Variants in SRSF5 observed in about 807,000 individuals in gnomAD.
The protein encoded by SRSF5 is serine and arginine rich splicing factor 5.
In SRSF5, 5 loss-of-function variants were observed where a neutral mutation model predicts 34.0. That is an observed-to-expected ratio of 0.15 (90% CI 0.08 to 0.31). The LOEUF is 0.31. Among genes scored for constraint, SRSF5 ranks in the 10% least tolerant of loss-of-function variants. The probability of loss-of-function intolerance (pLI) is 1.00; values close to 1 mark genes in which losing one functional copy is unlikely to be tolerated. For synonymous variants in SRSF5, 164 were observed against 117.7 expected (o/e 1.39, Z -2.55); for missense variants, 223 against 351.4 (o/e 0.63, Z 2.92).
At position 69,768,345 on chromosome 14, in the gene SRSF5, T is replaced by C. The variant is rs1882789874; in HGVS notation, c.126+63T>C. On this transcript the variant is annotated intron_variant, in intron 2 of 7. Transcript: ENST00000557154. ...GGTAGAGTTTTGATAAGCAGTTGTT[T>C]TCGATCTTGAGTCCGGGTGGAATAT... is the stretch of plus-strand genomic sequence containing the variant. 1.4e-5 allele frequency: 23 copies of C among 1,597,604 alleles called. No individual in the cohort carries two copies. The South Asian group carries it at 2.2e-4, about 15-fold the overall frequency.
At chr14:69,769,309 G>T in intron 5 of SRSF5, 58 bp downstream of exon 5, 1 of 1,602,682 alleles carries the variant, frequency 6.2e-7, no homozygotes, top group Non-Finnish European at 8.5e-7. Context: ...AAGTTAATGG[G>T]TAGCTAATGT....
In SRSF5 at chr14:69,770,247, A is replaced by G. The variant is rs549651737; in HGVS notation, c.367-220A>G. ...ATACTACCTTAATGTTAAAATCTGAATTTCTTTTAGCATTTTGCTTAAAAG... is the reference window on the plus strand; with the variant it reads ...ATACTACCTTAATGTTAAAATCTGAGTTTCTTTTAGCATTTTGCTTAAAAG... On this transcript the variant is annotated intron_variant, in intron 5 of 7. Coordinates refer to ENST00000557154, the MANE Select transcript of SRSF5 (RefSeq NM_001320214.2). 1.2e-5 allele frequency: 16 copies of G among 1,336,650 alleles called. No homozygotes were observed. In the East Asian group the frequency reaches 2.4e-4, roughly 20 times the overall value. The allele number at this position is 1,336,650 out of a possible 1,614,324, so 82.8% of individuals were successfully genotyped here.
At chr14:69,768,700 C>T (rs910120010) in intron 3 of SRSF5, 26 bp downstream of exon 3, 9 of 1,613,018 alleles carry the variant, frequency 5.6e-6, no homozygotes, top group African/African-American at 2.7e-5. Context: ...AACTAGATAA[C>T]CCTGGGACAT....
chr14:69,768,539 G>C lies in SRSF5; in HGVS notation c.127-65G>C, dbSNP rs1311305475. 1.4e-5 allele frequency: 20 copies of C among 1,470,986 alleles called. No homozygotes were observed. In the South Asian group the frequency reaches 2.1e-4, roughly 15 times the overall value. The allele number at this position is 1,470,986 out of a possible 1,614,324, so 91.1% of individuals were successfully genotyped here. ...TCCCATTCTGTCTCCTGATTTCAGT[G>C]CTCTTAATGTGTTGTAGAATACTCT... On this transcript the variant is annotated intron_variant, in intron 2 of 7. Transcript: ENST00000557154.
At position 69,771,663 on chromosome 14, in the gene SRSF5, T is replaced by C; in HGVS notation, c.*202T>C. On this transcript the variant is annotated 3_prime_UTR_variant, in exon 8 of 8. Coordinates refer to ENST00000557154, the MANE Select transcript of SRSF5 (RefSeq NM_001320214.2). ...AAAACTAATTGTATTAAATGTCTTT[T>C]GATAAGCCTTCTGCTCACATTTTTG... The C allele has an allele frequency of 3.3e-6, 2 of 607,118 alleles. No individual in the cohort carries two copies. The highest frequency in any genetic ancestry group is 3.4e-5 in the Admixed American group (1 of 29,764). The allele number at this position is 607,118 out of a possible 1,614,324, so 37.6% of individuals were successfully genotyped here.
At chr14:69,768,361 G>C in intron 2 of SRSF5, 79 bp downstream of exon 2, 1 of 1,576,882 alleles carries the variant, frequency 6.3e-7, no homozygotes. Flanking sequence ...CTTGAGTCCG[G>C]GTGGAATATT....
rs1882548900 is a variant in SRSF5 at position 69,767,185 on chromosome 14, T to G, written c.-90T>G. On this transcript the variant is annotated 5_prime_UTR_variant, in exon 1 of 8. Transcript: ENST00000557154. ...TAGACGAGTTAAGTCCTGGTCTGCG[T>G]GGAGGTCGACGACTCCGTCGCAGAC... is the stretch of plus-strand genomic sequence containing the variant. 1 of 355,490 alleles carries G rather than the reference T, an allele frequency of 2.8e-6. No homozygotes were observed. Among genetic ancestry groups the G allele is most frequent in the Non-Finnish European group, 5.5e-6 (1 of 180,944 alleles). 22.0% of individuals were successfully genotyped at this position (355,490 alleles called of 1,614,324 possible). A position where few individuals can be genotyped will look rare whatever the true frequency, so the allele number is the denominator to read the frequency against.
intron 2 of SRSF5, 103 bp downstream of exon 2, chr14:69,768,385 T>C: frequency 2.6e-6 from 4 of 1,513,654 alleles, no homozygotes; most frequent in African/African-American, 1.4e-5. Context: ...CTTCAGAAAA[T>C]GTTACCCAGC....
chr14:69,770,163 CTT>C, intron 5 of SRSF5: 1 of 1,084,328 alleles, frequency 9.2e-7, no homozygotes, highest in Non-Finnish European at 1.1e-6. Context: ...GTACTGTTTC[CTT>C]TTTTGTTGTT....
At chr14:69,768,075 T>C in intron 1 of SRSF5, 63 bp from the exon 2 acceptor site, 1 of 1,570,978 alleles carries the variant, frequency 6.4e-7, no homozygotes, top group Non-Finnish European at 8.7e-7. Flanking sequence ...TTTTTGATTG[T>C]TTAATCAGGC....
At chr14:69,770,742 T>C (rs1248869679) in intron 6 of SRSF5, 2 of 643,348 alleles carry the variant, frequency 3.1e-6, no homozygotes, top group Non-Finnish European at 5.4e-6. Flanking sequence ...GAGGATGCTG[T>C]TGGCATGTAG....
intron 6 of SRSF5, 194 bp downstream of exon 6, chr14:69,770,734 G>A (rs1346498260): frequency 3.1e-6 from 2 of 643,022 alleles, no homozygotes; most frequent in African/African-American, 3.7e-5. Flanking sequence ...GGTTGAGAGA[G>A]GATGCTGTTG....
rs1384719115 is a variant in SRSF5 at position 69,771,830 on chromosome 14, CTTAA to C, written c.*374_*377del. ...TGTTAATTCAGAATTAGTTTAATGC[CTTAA>C]TTAAACTAATTAATAGCTTTGGACA... On this transcript the variant is annotated 3_prime_UTR_variant, in exon 8 of 8. Coordinates refer to ENST00000557154, the MANE Select transcript of SRSF5 (RefSeq NM_001320214.2). 1.5e-5 allele frequency: 3 copies of C among 200,174 alleles called. No individual in the cohort carries two copies. The highest frequency in any genetic ancestry group is 2.4e-5 in the African/African-American group (1 of 42,096). 12.4% of individuals were successfully genotyped at this position (200,174 alleles called of 1,614,324 possible). A position where few individuals can be genotyped will look rare whatever the true frequency, so the allele number is the denominator to read the frequency against.
intron 5 of SRSF5, 126 bp from the exon 6 acceptor site, chr14:69,770,341 G>A (rs1330176634): frequency 6.9e-7 from 1 of 1,458,690 alleles, no homozygotes; most frequent in African/African-American, 1.4e-5. Flanking sequence ...ATACAAGTGT[G>A]GTAAATGCCA....
intron 5 of SRSF5, 58 bp downstream of exon 5, chr14:69,769,309 G>A (rs1882940460): frequency 1.2e-6 from 2 of 1,602,682 alleles, no homozygotes; most frequent in Non-Finnish European, 1.7e-6. Flanking sequence ...AAGTTAATGG[G>A]TAGCTAATGT....
rs1208396253 is a variant in SRSF5 at position 69,768,645 on chromosome 14, G to A, written c.168G>A (p.Glu56=). 6.2e-7 allele frequency: 1 copy of A among 1,614,092 alleles called. No individual in the cohort carries two copies. Among genetic ancestry groups the A allele is most frequent in the Non-Finnish European group, 8.5e-7 (1 of 1,180,044 alleles). ...GGGATGCAGATGATGCTGTGTATGA[G>A]CTTGATGGAAAAGAACTCTGTAGTG... ...DPRDADDAVY[E]LDGKELCSER... Residue 56 remains glutamate, a synonymous_variant, in exon 3 of 8, where the codon GAG becomes GAA. Coordinates refer to ENST00000557154, the MANE Select transcript of SRSF5 (RefSeq NM_001320214.2).
chr14:69,769,585 T>C (rs1415125240), intron 5 of SRSF5: 4 of 1,535,468 alleles, frequency 2.6e-6, no homozygotes, highest in Admixed American at 3.9e-5. Flanking sequence ...CACTCTTGGT[T>C]GGGCCTGGTT....
rs1479003481 is a variant in SRSF5 at position 69,771,959 on chromosome 14, A to G, written c.*498A>G. 2 of 155,182 alleles carry G rather than the reference A, an allele frequency of 1.3e-5. No individual in the cohort carries two copies. Among genetic ancestry groups the G allele is most frequent in the African/African-American group, 4.8e-5 (2 of 41,466 alleles). The allele number at this position is 155,182 out of a possible 1,614,324, so 9.6% of individuals were successfully genotyped here. A position where few individuals can be genotyped will look rare whatever the true frequency, so the allele number is the denominator to read the frequency against. ...ACTCTTTAACAGCTGCTGGACAGAC[A>G]CATTAGAGCAGCTGTTTGTTATTGA... is the stretch of plus-strand genomic sequence containing the variant. On this transcript the variant is annotated 3_prime_UTR_variant, in exon 8 of 8. Transcript: ENST00000557154.
rs935823117 is a variant in SRSF5 at position 69,771,845 on chromosome 14, T to G, written c.*384T>G. On this transcript the variant is annotated 3_prime_UTR_variant, in exon 8 of 8. Coordinates refer to ENST00000557154, the MANE Select transcript of SRSF5 (RefSeq NM_001320214.2). ...AGTTTAATGCCTTAATTAAACTAAT[T>G]AATAGCTTTGGACACTTAAAAGAGC... 1 of 195,564 alleles carries G rather than the reference T, an allele frequency of 5.1e-6. No homozygotes were observed. The highest frequency in any genetic ancestry group is 1.1e-5 in the Non-Finnish European group (1 of 94,280). 12.1% of individuals were successfully genotyped at this position (195,564 alleles called of 1,614,324 possible).
Sources: allele counts gnomAD v4.1 joint callset, GRCh38; gene constraint gnomAD v4.1.1; transcripts MANE v1.5; gene names NCBI Gene and HGNC (gene_info 2026-07-23, HGNC 2026-07-21).